Variants in DNAAF4 observed in about 807,000 individuals in gnomAD.
The protein encoded by DNAAF4 is dynein assembly factor 4, axonemal.
A neutral mutation model predicts 51.8 loss-of-function variants in DNAAF4; 43 were observed. The ratio of observed to expected loss-of-function variants is 0.83; its 90% CI spans 0.65 to 1.07. The LOEUF is 1.07. Among genes scored for constraint, DNAAF4 ranks in the 50% least tolerant of loss-of-function variants. The pLI is 0.00. For missense variants in DNAAF4, 581 were observed against 493.0 expected (o/e 1.18, Z -1.69); for synonymous variants, 194 against 165.6 (o/e 1.17, Z -1.32).
intron 1 of DNAAF4, among the ~76,000 whole-genome samples, chr15:55,501,936 A>C (rs954110253): frequency 6.6e-6 from 1 of 151,744 alleles, no homozygotes; most frequent in Admixed American, 6.6e-5. Context: ...CCAGCTACTC[A>C]GGAGGCTGAG....
chr15:55,426,860 A>G (rs1456741909), downstream of DNAAF4, among the ~76,000 whole-genome samples: 1 of 152,198 alleles, frequency 6.6e-6, no homozygotes, highest in Non-Finnish European at 1.5e-5. Context: ...CTGAAGTTAC[A>G]TCAACCAACC....
intron 3 of DNAAF4, among the ~76,000 whole-genome samples, chr15:55,494,497 C>T (rs369038006): frequency 2.0e-5 from 3 of 152,008 alleles, no homozygotes; most frequent in African/African-American, 7.3e-5. Flanking sequence ...CTGCAACCTC[C>T]ACCACCCGGG....
intron 4 of DNAAF4, among the ~76,000 whole-genome samples, chr15:55,488,888 A>G (rs2058529749): frequency 6.6e-6 from 1 of 152,164 alleles, no homozygotes. Flanking sequence ...GGAGAGCGAG[A>G]CCATCCTGGC....
At chr15:55,470,318 C>T (rs540311655) in intron 4 of DNAAF4, among the ~76,000 whole-genome samples, 7 of 152,248 alleles carry the variant, frequency 4.6e-5, no homozygotes, top group African/African-American at 1.7e-4. Flanking sequence ...TCCCAAAGTG[C>T]TGGGATTACA....
chr15:55,448,534 G>C lies in DNAAF4; in HGVS notation c.783+1688C>G, dbSNP rs1359640757. 7.0e-4 allele frequency among the ~76,000 whole-genome samples: 97 copies of C among 139,222 alleles called. 2 individuals carry two copies. Among genetic ancestry groups the C allele is most frequent in the African/African-American group, 2.7e-3 (94 of 34,454 alleles). 91.3% of individuals were successfully genotyped at this position (139,222 alleles called of 152,430 possible). A position where few individuals can be genotyped will look rare whatever the true frequency, so the allele number is the denominator to read the frequency against. On this transcript the variant is annotated intron_variant, in intron 6 of 9. Transcript: ENST00000321149. ...AAAAAAAAAGGGTGTGTGTGTGTGT[G>C]TGTGTGTGTGTGTGTGTGTGTGTGT...
At chr15:55,495,122 A>G (rs1008046756) in intron 3 of DNAAF4, 1 of 150,962 alleles carries the variant, frequency 6.6e-6, no homozygotes, top group Admixed American at 6.6e-5. Context: ...CCCAACATAG[A>G]CTTACTGAGT....
chr15:55,437,065 C>A (rs2057624536), intron 7 of DNAAF4, among the ~76,000 whole-genome samples: 1 of 146,058 alleles, frequency 6.8e-6, no homozygotes. Context: ...GATCCGCCCG[C>A]CTCAGCCTCC....
At chr15:55,491,853 C>T (rs1455445487) in intron 3 of DNAAF4, among the ~76,000 whole-genome samples, 2 of 147,088 alleles carry the variant, frequency 1.4e-5, no homozygotes, top group African/African-American at 5.0e-5. Context: ...CCATCCACAG[C>T]TTGTTTGTTT....
intron 1 of DNAAF4, among the ~76,000 whole-genome samples, chr15:55,502,999 A>G (rs1361215792): frequency 1.3e-5 from 2 of 152,196 alleles, no homozygotes; most frequent in Non-Finnish European, 2.9e-5. Flanking sequence ...GGTTTTTTGA[A>G]AAGATCAACA....
chr15:55,439,547 A>T lies in DNAAF4; in HGVS notation c.818T>A (p.Met273Lys), dbSNP rs778219591. 1 of 1,614,074 alleles carries T rather than the reference A, an allele frequency of 6.2e-7. No individual in the cohort carries two copies. The highest frequency in any genetic ancestry group is 1.1e-5 in the South Asian group (1 of 91,082). The stretch of plus-strand genomic sequence containing the variant: ...GCAAAGTTCAGCTATGTCAGTATTC[A>T]TTGCTCTTCGTGCCTCAGCTTGTTT... ...LHKQAEARRAMNTDIAELCDL... is the reference protein window; with the variant it reads ...LHKQAEARRAKNTDIAELCDL... Residue 273 changes from methionine to lysine, a missense_variant, in exon 7 of 10, where the codon ATG becomes AAG. Met to Lys is a moderately conservative substitution (Grantham distance 95, BLOSUM62 -1). Transcript: ENST00000321149.
At chr15:55,454,024 G>A (rs1206728334) in intron 5 of DNAAF4, among the ~76,000 whole-genome samples, 1 of 152,102 alleles carries the variant, frequency 6.6e-6, no homozygotes, top group Admixed American at 6.5e-5. Context: ...AAGTTGGCCA[G>A]GTATGGTGGC....
chr15:55,494,230 T>C (rs1006681025), intron 3 of DNAAF4, among the ~76,000 whole-genome samples: 1 of 151,960 alleles, frequency 6.6e-6, no homozygotes, highest in Admixed American at 6.6e-5. Flanking sequence ...GGTTTCTCCA[T>C]GTTGGTTAGG....
chr15:55,422,482 T>G (rs2057396895), intron 7 of DNAAF4, among the ~76,000 whole-genome samples: 1 of 151,882 alleles, frequency 6.6e-6, no homozygotes, highest in African/African-American at 2.4e-5. Flanking sequence ...AAACCACCAT[T>G]TAGAGGTCAA....
downstream of DNAAF4, among the ~76,000 whole-genome samples, chr15:55,425,538 G>A (rs139733791): frequency 6.6e-6 from 1 of 151,594 alleles, no homozygotes; most frequent in East Asian, 2.0e-4. Context: ...CTCGTTCCAT[G>A]CTGAGGTCTC....
intron 8 of DNAAF4, among the ~76,000 whole-genome samples, chr15:55,433,873 T>C (rs1295427716): frequency 1.8e-5 from 1 of 56,900 alleles, no homozygotes; most frequent in Non-Finnish European, 3.1e-5. Context: ...ATATTATATA[T>C]ATTACATATA....
At chr15:55,465,401 C>CACACAG (rs1219262145) in intron 5 of DNAAF4, among the ~76,000 whole-genome samples, 1 of 151,098 alleles carries the variant, frequency 6.6e-6, no homozygotes, top group Non-Finnish European at 1.5e-5. Context: ...TATACACACA[C>CACACAG]ACACACACAC....
At position 55,498,266 on chromosome 15, in the gene DNAAF4, G is replaced by A. The variant is rs766403373; in HGVS notation, c.64C>T (p.Pro22Ser). 12 of 1,613,578 alleles carry A rather than the reference G, an allele frequency of 7.4e-6. No individual in the cohort carries two copies. The highest frequency in any genetic ancestry group is 9.3e-6 in the Non-Finnish European group (11 of 1,179,826). Reference protein sequence around the residue: ...QTKTAVFLSLPLKGVCVRDTD... With the variant: ...QTKTAVFLSLSLKGVCVRDTD... ...TCTCTGACGCACACGCCTTTGAGGG[G>A]CAGAGACAGAAAGACCGCAGTCTTC... Residue 22 changes from proline to serine, a missense_variant, in exon 2 of 10, where the codon CCC (proline) becomes TCC (serine). By Grantham distance (74) the Pro-to-Ser change is moderately conservative (BLOSUM62 -1). Coordinates refer to ENST00000321149, the MANE Select transcript of DNAAF4 (RefSeq NM_130810.4).
At chr15:55,462,666 C>T (rs908872896) in intron 5 of DNAAF4, among the ~76,000 whole-genome samples, 2 of 151,888 alleles carry the variant, frequency 1.3e-5, no homozygotes, top group Non-Finnish European at 2.9e-5. Flanking sequence ...GAACAATATC[C>T]CTGATGAACA....
At chr15:55,473,198 A>AAATATATATATAT (rs1209754897) in intron 4 of DNAAF4, among the ~76,000 whole-genome samples, 1 of 75,750 alleles carries the variant, frequency 1.3e-5, no homozygotes, top group African/African-American at 5.4e-5. Flanking sequence ...AAAAAAAAAA[A>AAATATATATATAT]ATATATATAT....
Sources: allele counts gnomAD v4.1 joint callset (sites outside exome capture counted in the v4.1 genomes callset), GRCh38; gene constraint gnomAD v4.1.1; transcripts MANE v1.5; gene names NCBI Gene and HGNC (gene_info 2026-07-23, HGNC 2026-07-21).